The following CNMD variants were observed in gnomAD, a reference collection of about 807,000 sequenced individuals.
The protein encoded by CNMD is leukocyte cell-derived chemotaxin 1.
Under a neutral mutation model 37.5 loss-of-function variants are expected in CNMD, and 30 were observed. The observed-to-expected ratio is 0.80, with a 90% CI of 0.60 to 1.09. CNMD has a LOEUF of 1.09. Among genes scored for constraint, CNMD ranks in the 50% least tolerant of loss-of-function variants. CNMD has a pLI of 0.00. For missense variants in CNMD, 398 were observed against 423.9 expected, an observed-to-expected ratio of 0.94 and a Z score of 0.54; for synonymous variants, 167 against 148.2, an observed-to-expected ratio of 1.13 and a Z score of -0.92.
intron 5 of CNMD, among the ~76,000 whole-genome samples, chr13:52,709,755 T>C (rs1483383849): frequency 6.6e-6 from 1 of 152,100 alleles, no homozygotes; most frequent in East Asian, 1.9e-4. Flanking sequence ...GGCGGATCAC[T>C]TGAGGTCAGG....
intron 4 of CNMD, among the ~76,000 whole-genome samples, chr13:52,719,652 C>T (rs1964447725): frequency 6.6e-6 from 1 of 152,124 alleles, no homozygotes; most frequent in Non-Finnish European, 1.5e-5. Context: ...TGAATATTGG[C>T]CCCCACTCTC....
At chr13:52,712,936 G>T in intron 4 of CNMD, 67 bp from the exon 5 acceptor site, 1 of 1,255,444 alleles carries the variant, frequency 8.0e-7, no homozygotes, top group Non-Finnish European at 1.1e-6. Context: ...AGAGTCATGT[G>T]TTGCTAAAAG....
rs375353123 is a variant in CNMD at position 52,739,217 on chromosome 13, C to G, written c.73-46G>C. The G allele has an allele frequency of 4.7e-4, 667 of 1,433,676 alleles. 2 individuals are homozygous for G. The highest frequency in any genetic ancestry group is 5.4e-4 in the Non-Finnish European group (597 of 1,098,300). The allele number at this position is 1,433,676 out of a possible 1,614,324, so 88.8% of individuals were successfully genotyped here. A position where few individuals can be genotyped will look rare whatever the true frequency, so the allele number is the denominator to read the frequency against. Reference sequence around the variant, plus strand: ...GGGACCGTCGCGTTTGTGCCGCCAGCACCTGCGGCCCCCAGCGCACCCGGG... The same window carrying G: ...GGGACCGTCGCGTTTGTGCCGCCAGGACCTGCGGCCCCCAGCGCACCCGGG... On this transcript the variant is annotated intron_variant, in intron 1 of 6. Coordinates refer to ENST00000377962, the MANE Select transcript of CNMD (RefSeq NM_007015.3). The surrounding 1 kb of genome is among the most constrained non-coding windows in gnomAD (Gnocchi z 5.4).
intron 4 of CNMD, among the ~76,000 whole-genome samples, chr13:52,722,206 A>T (rs147833147): frequency 1.3e-5 from 2 of 152,280 alleles, no homozygotes; most frequent in African/African-American, 4.8e-5. Flanking sequence ...GATGGATGGG[A>T]AACAGAGTAG....
chr13:52,708,746 A>C lies in CNMD; in HGVS notation c.623-44T>G, dbSNP rs141697348. On this transcript the variant is annotated intron_variant, in intron 5 of 6. Transcript: ENST00000377962. ...ATTAATCCCTTTATTTGAATAATTA[A>C]GGAAATTAGATCTGTGTTTATCAGG... 2.6e-4 allele frequency: 373 copies of C among 1,445,032 alleles called. 1 individual carries two copies. The African/African-American group carries it at 4.8e-3, about 18-fold the overall frequency. 89.5% of individuals were successfully genotyped at this position (1,445,032 alleles called of 1,614,324 possible).
rs959536722 is a variant in CNMD at position 52,730,443 on chromosome 13, T to C, written c.354+2776A>G. On this transcript the variant is annotated intron_variant, in intron 3 of 6. Coordinates refer to ENST00000377962, the MANE Select transcript of CNMD (RefSeq NM_007015.3). ...AACTAGTTTACAGTCCCACCAACAG[T>C]GTAAAAGTGTTCCTATTTCTCCACA... Among the ~76,000 whole-genome samples the C allele has an allele frequency of 4.7e-3, 712 of 152,104 alleles. 3 individuals are homozygous for C. The highest frequency in any genetic ancestry group is 0.016 in the African/African-American group (658 of 41,490).
chr13:52,733,410 G>C (rs1964708087), intron 2 of CNMD, 51 bp from the exon 3 acceptor site: 1 of 1,578,286 alleles, frequency 6.3e-7, no homozygotes, highest in Non-Finnish European at 8.7e-7. Flanking sequence ...AGCAATTCAG[G>C]GCTTATCTTT....
chr13:52,711,457 C>T (rs759550911), intron 5 of CNMD, among the ~76,000 whole-genome samples: 5 of 152,192 alleles, frequency 3.3e-5, no homozygotes, highest in Non-Finnish European at 5.9e-5. Context: ...CCCCTTCAGC[C>T]AGCCAGCCCC....
intron 2 of CNMD, among the ~76,000 whole-genome samples, chr13:52,734,413 A>C (rs1964723460): frequency 6.6e-6 from 1 of 152,130 alleles, no homozygotes; most frequent in South Asian, 2.1e-4. Context: ...TCAATACTTA[A>C]AACATTTCTT....
intron 6 of CNMD, among the ~76,000 whole-genome samples, chr13:52,704,695 T>C (rs993364971): frequency 6.6e-6 from 1 of 152,196 alleles, no homozygotes; most frequent in Non-Finnish European, 1.5e-5. Context: ...GATTCTTTCC[T>C]AAAGTTAGCT....
intron 5 of CNMD, among the ~76,000 whole-genome samples, chr13:52,710,102 A>G (rs1285746608): frequency 6.6e-6 from 1 of 152,230 alleles, no homozygotes; most frequent in African/African-American, 2.4e-5. Flanking sequence ...GAATCTGTCT[A>G]AAGGTTTAAG....
At chr13:52,729,500 A>G (rs1403969264) in intron 3 of CNMD, among the ~76,000 whole-genome samples, 1 of 152,248 alleles carries the variant, frequency 6.6e-6, no homozygotes, top group Non-Finnish European at 1.5e-5. Context: ...AGAAAATTAC[A>G]TAGCATTTAA....
In CNMD at chr13:52,733,259, C is replaced by T. The variant is rs758102185; in HGVS notation, c.314G>A (p.Ser105Asn). Residue 105 changes from serine to asparagine, a missense_variant, in exon 3 of 7, where the codon AGT (serine) becomes AAT (asparagine). By Grantham distance (46) the Ser-to-Asn change is conservative. Coordinates refer to ENST00000377962, the MANE Select transcript of CNMD (RefSeq NM_007015.3). ...GNNLETFKMG[S>N]GAEEAIAVND... The stretch of plus-strand genomic sequence containing the variant: ...AACTGCAATTGCTTCTTCAGCTCCA[C>T]TTCCCATTTTAAAGGTCTCCAAGTT... 1.2e-6 allele frequency: 2 copies of T among 1,614,032 alleles called. No homozygotes were observed. Among genetic ancestry groups the T allele is most frequent in the Admixed American group, 1.7e-5 (1 of 60,004 alleles).
chr13:52,714,662 AATC>A (rs1194154763), intron 4 of CNMD, among the ~76,000 whole-genome samples: 1 of 152,210 alleles, frequency 6.6e-6, no homozygotes, highest in African/African-American at 2.4e-5. Flanking sequence ...TTAAAATTAT[AATC>A]ATATGATAAA....
chr13:52,737,239 T>C lies in CNMD; in HGVS notation c.213+1792A>G, dbSNP rs138672152. Among the ~76,000 whole-genome samples, 30 of 152,358 alleles carry C rather than the reference T, an allele frequency of 2.0e-4. No homozygotes were observed. The East Asian group carries it at 5.6e-3, about 28-fold the overall frequency. ...GCAAAGCAGACCTGTGCATGTGCTA[T>C]GCCTAGGTGGTGCAAAAATTACTCT... On this transcript the variant is annotated intron_variant, in intron 2 of 6. Transcript: ENST00000377962.
intron 3 of CNMD, among the ~76,000 whole-genome samples, chr13:52,726,911 C>T (rs1016805628): frequency 3.3e-5 from 5 of 151,906 alleles, no homozygotes; most frequent in Admixed American, 1.3e-4. Context: ...TGAAAAAGAA[C>T]GAAATAGAAA....
intron 6 of CNMD, among the ~76,000 whole-genome samples, chr13:52,705,581 C>G (rs1395271518): frequency 6.6e-6 from 1 of 152,128 alleles, no homozygotes; most frequent in Non-Finnish European, 1.5e-5. Context: ...TGAGGCACTT[C>G]CTTATCTGAG....
At chr13:52,733,591 C>G in intron 2 of CNMD, 1 of 589,108 alleles carries the variant, frequency 1.7e-6, no homozygotes, top group Non-Finnish European at 3.1e-6. Flanking sequence ...GACACCTATT[C>G]CAATAGCTCC....
In CNMD at chr13:52,711,531, C is replaced by A. The variant is rs1964290196; in HGVS notation, c.622+1185G>T. ...ATGTGGTCTCCAGCTGTTTCTCAGCCCACTGTGCTGGGCAGCTACTGCCAG... is the reference window on the plus strand; with the variant it reads ...ATGTGGTCTCCAGCTGTTTCTCAGCACACTGTGCTGGGCAGCTACTGCCAG... On this transcript the variant is annotated intron_variant, in intron 5 of 6. Transcript: ENST00000377962. 2.0e-5 allele frequency among the ~76,000 whole-genome samples: 3 copies of A among 152,120 alleles called. No homozygotes were observed. The South Asian group carries it at 6.2e-4, about 31-fold the overall frequency.
Sources: gnomAD v4.1 joint callset for allele counts (sites outside exome capture counted in the v4.1 genomes callset) on GRCh38, gnomAD v4.1.1 for gene constraint, Gnocchi (gnomAD v3.1) non-coding constraint, MANE v1.5 for transcripts, NCBI Gene and HGNC (gene_info 2026-07-23, HGNC 2026-07-21) for gene names.